Variants in ANO3 observed in about 807,000 individuals in gnomAD.
The protein encoded by ANO3 is anoctamin-3.
Under a neutral mutation model 144.8 loss-of-function variants are expected in ANO3, and 99 were observed. That is an observed-to-expected ratio of 0.68 (90% confidence interval 0.58 to 0.81). The LOEUF is 0.81. ANO3 is among the 30% of genes least tolerant of loss of function. The pLI is 0.00. For synonymous variants in ANO3, 414 were observed against 392.6 expected (o/e 1.05, Z -0.64); for missense variants, 905 against 1,202.2 (o/e 0.75, Z 3.66).
At chr11:26,226,432 T>G (rs1043925264) in intron 1 of ANO3, among the ~76,000 whole-genome samples, 3 of 152,110 alleles carry the variant, frequency 2.0e-5, no homozygotes, top group African/African-American at 7.2e-5. Flanking sequence ...TCCAAAACAA[T>G]CAGGAAATAT....
intron 21 of ANO3, among the ~76,000 whole-genome samples, chr11:26,641,407 A>G (rs986708810): frequency 6.6e-6 from 1 of 152,180 alleles, no homozygotes; most frequent in Admixed American, 6.5e-5. Flanking sequence ...CAATTAGTTT[A>G]TGTGAAACAT....
intron 18 of ANO3, among the ~76,000 whole-genome samples, 173 bp downstream of exon 18, chr11:26,624,671 G>C (rs1852523370): frequency 6.6e-6 from 1 of 152,184 alleles, no homozygotes; most frequent in South Asian, 2.1e-4. Flanking sequence ...TAACAATAGA[G>C]AGACAATGCA....
chr11:26,473,159 C>T (rs1479700649), intron 4 of ANO3, among the ~76,000 whole-genome samples: 1 of 151,906 alleles, frequency 6.6e-6, no homozygotes. Context: ...GCTAGAAAAT[C>T]AATTTTAAAG....
chr11:26,525,560 A>C, intron 6 of ANO3, 75 bp from the exon 7 acceptor site: 1 of 1,202,770 alleles, frequency 8.3e-7, no homozygotes, highest in Admixed American at 1.9e-5. Context: ...GCTCAATATG[A>C]TTGAATGTTG....
chr11:26,325,972 A>T (rs1403975101), intron 1 of ANO3, among the ~76,000 whole-genome samples: 1 of 152,046 alleles, frequency 6.6e-6, no homozygotes, highest in Non-Finnish European at 1.5e-5. Flanking sequence ...TAGGACACAG[A>T]GTCTATGATC....
chr11:26,651,329 T>C (rs2133083834), intron 24 of ANO3, among the ~76,000 whole-genome samples: 1 of 152,318 alleles, frequency 6.6e-6, no homozygotes, highest in East Asian at 1.9e-4. Flanking sequence ...GTATCACATG[T>C]AGAGCTTTGA....
At chr11:26,433,239 T>A (rs1311676018) in intron 1 of ANO3, among the ~76,000 whole-genome samples, 7 of 152,182 alleles carry the variant, frequency 4.6e-5, no homozygotes, top group Admixed American at 4.6e-4. Context: ...GTATGTTGAT[T>A]TTTTTATCCT....
At chr11:26,648,913 A>G (rs1222929622) in intron 24 of ANO3, among the ~76,000 whole-genome samples, 2 of 152,296 alleles carry the variant, frequency 1.3e-5, no homozygotes, top group East Asian at 3.9e-4. Context: ...CTGCTGAGGA[A>G]CTGACGTTTT....
chr11:26,427,175 G>A (rs1565018244), intron 1 of ANO3: 1 of 205,638 alleles, frequency 4.9e-6, no homozygotes, highest in South Asian at 9.5e-5. Flanking sequence ...CCCAGTGCCT[G>A]TCCATTGCTG....
chr11:26,356,763 T>C (rs943487587), intron 1 of ANO3, among the ~76,000 whole-genome samples: 15 of 152,196 alleles, frequency 9.9e-5, no homozygotes, highest in African/African-American at 3.6e-4. Flanking sequence ...TTCTGGAGGC[T>C]CTAAGGGGAG....
In ANO3 at chr11:26,444,465, G is replaced by A. The variant is rs1181857842; in HGVS notation, c.313+629G>A. On this transcript the variant is annotated intron_variant, in intron 3 of 26. Coordinates refer to ENST00000256737, the MANE Select transcript of ANO3 (RefSeq NM_031418.4). ...ACCTCAGTGCCTTAACACATAACCT[G>A]AAGAAATGAAGCCCTGAGTTTTCAG... 2.0e-5 allele frequency among the ~76,000 whole-genome samples: 3 copies of A among 152,280 alleles called. No homozygotes were observed. The East Asian group carries it at 5.8e-4, about 29-fold the overall frequency.
At chr11:26,527,994 A>G (rs886433384) in intron 7 of ANO3, among the ~76,000 whole-genome samples, 5 of 152,266 alleles carry the variant, frequency 3.3e-5, no homozygotes, top group East Asian at 1.9e-4. Context: ...TTCAATTTTC[A>G]TAGAATTATC....
intron 1 of ANO3, among the ~76,000 whole-genome samples, chr11:26,264,846 A>G (rs1384213919): frequency 1.3e-5 from 2 of 151,964 alleles, no homozygotes; most frequent in Non-Finnish European, 2.9e-5. Flanking sequence ...ACTTTATTCC[A>G]TGTAATTATA....
intron 1 of ANO3, among the ~76,000 whole-genome samples, chr11:26,260,140 T>C (rs780851075): frequency 2.0e-5 from 3 of 150,690 alleles, no homozygotes; most frequent in Non-Finnish European, 4.4e-5. Flanking sequence ...CACAAAGGGA[T>C]AATTCTGGCA....
intron 13 of ANO3, among the ~76,000 whole-genome samples, chr11:26,554,823 G>A (rs1436434828): frequency 6.6e-6 from 1 of 152,106 alleles, no homozygotes; most frequent in Non-Finnish European, 1.5e-5. Context: ...GTAATAATGT[G>A]AGCGTTGTTT....
chr11:26,380,042 T>C (rs539007715), intron 1 of ANO3, among the ~76,000 whole-genome samples: 4 of 152,294 alleles, frequency 2.6e-5, no homozygotes, highest in African/African-American at 7.2e-5. Flanking sequence ...TTGTTCTTGG[T>C]TCTGTGGACT....
chr11:26,448,510 A>G (rs1858794574), intron 3 of ANO3, among the ~76,000 whole-genome samples: 1 of 152,146 alleles, frequency 6.6e-6, no homozygotes, highest in African/African-American at 2.4e-5. Flanking sequence ...TCAGTGGAAT[A>G]CTCATTGGTC....
intron 4 of ANO3, 23 bp downstream of exon 4, chr11:26,463,171 T>A: frequency 1.6e-6 from 2 of 1,265,236 alleles, no homozygotes; most frequent in East Asian, 4.7e-5. Flanking sequence ...AAATTATCAA[T>A]AAGTCATTTT....
At position 26,620,517 on chromosome 11, in the gene ANO3, T is replaced by C. The variant is rs189860145; in HGVS notation, c.1837-3945T>C. 8.5e-5 allele frequency among the ~76,000 whole-genome samples: 13 copies of C among 152,128 alleles called. No homozygotes were observed. In the East Asian group the frequency reaches 2.3e-3, roughly 27 times the overall value. On this transcript the variant is annotated intron_variant, in intron 17 of 26. Transcript: ENST00000256737. ...AATTAAACTAAAATTAAAACTTTAATTCCAATTAAAAATTTTTAAATTAAA... is the reference window on the plus strand; with the variant it reads ...AATTAAACTAAAATTAAAACTTTAACTCCAATTAAAAATTTTTAAATTAAA...
Sources: allele counts gnomAD v4.1 joint callset (sites outside exome capture counted in the v4.1 genomes callset), GRCh38; gene constraint gnomAD v4.1.1; transcripts MANE v1.5; gene names NCBI Gene and HGNC (gene_info 2026-07-23, HGNC 2026-07-21).